The following NAA15 variants were observed in gnomAD, a reference collection of about 807,000 sequenced individuals.
The protein encoded by NAA15 is N-terminal acetyltransferase.
Under a neutral mutation model 114.0 loss-of-function variants are expected in NAA15, and 34 were observed. That is an observed-to-expected ratio of 0.30 (90% CI 0.23 to 0.40). The LOEUF (loss-of-function observed/expected upper bound fraction) is 0.40. Among genes scored for constraint, NAA15 ranks in the 10% least tolerant of loss-of-function variants. The probability of loss-of-function intolerance (pLI) is 1.00; values close to 1 mark genes in which losing one functional copy is unlikely to be tolerated. For missense variants in NAA15, 658 were observed against 1,004.5 expected (o/e 0.66, Z 4.66); for synonymous variants, 340 against 338.0 (o/e 1.01, Z -0.06).
chr4:139,382,052 G>C (rs983755746), intron 17 of NAA15, among the ~76,000 whole-genome samples: 1 of 152,064 alleles, frequency 6.6e-6, no homozygotes, highest in African/African-American at 2.4e-5. Context: ...AGGCTTTTTA[G>C]AGTTTTTCTC....
At chr4:139,340,818 T>G (rs1747359663) in intron 3 of NAA15, 94 bp from the exon 4 acceptor site, 2 of 976,076 alleles carry the variant, frequency 2.0e-6, no homozygotes, top group Non-Finnish European at 2.9e-6. Context: ...AGCTTGTAGT[T>G]TTATAAATGG....
At chr4:139,321,873 C>G (rs116320026) in intron 1 of NAA15, among the ~76,000 whole-genome samples, 1 of 152,008 alleles carries the variant, frequency 6.6e-6, no homozygotes, top group Non-Finnish European at 1.5e-5. Context: ...CAGCTACTTA[C>G]GTCATTGTTA....
Position 139,385,188 on chromosome 4 carries a change from A to G in NAA15, c.2302+210A>G, listed in dbSNP as rs1035550142. ...TCCCAGCTACTCAGGATGCTGAGGC[A>G]GAAGGATCACTTGAGCCCAGGAATT... On this transcript the variant is annotated intron_variant, in intron 18 of 19. Coordinates refer to ENST00000296543, the MANE Select transcript of NAA15 (RefSeq NM_057175.5). 3.3e-5 allele frequency among the ~76,000 whole-genome samples: 5 copies of G among 150,326 alleles called. No homozygotes were observed. The South Asian group carries it at 1.0e-3, about 31-fold the overall frequency.
chr4:139,336,885 G>A lies in NAA15; in HGVS notation c.177G>A (p.Leu59=). Residue 59 remains leucine, a synonymous_variant, in exon 3 of 20, where the codon TTG becomes TTA. Coordinates refer to ENST00000296543, the MANE Select transcript of NAA15 (RefSeq NM_057175.5). The part of the protein sequence containing the change: ...LAMKGLTLNC[L]GKKEEAYELV... ...TGAAAGGATTAACATTGAACTGTTTGGGGAAAAAGGAAGAAGCTTATGAAT... is the reference window on the plus strand; with the variant it reads ...TGAAAGGATTAACATTGAACTGTTTAGGGAAAAAGGAAGAAGCTTATGAAT... 1.2e-6 allele frequency: 2 copies of A among 1,601,266 alleles called. No individual in the cohort carries two copies. Among genetic ancestry groups the A allele is most frequent in the Non-Finnish European group, 8.5e-7 (1 of 1,173,554 alleles).
At chr4:139,368,645 T>C (rs148602214) in intron 14 of NAA15, among the ~76,000 whole-genome samples, 80 of 152,328 alleles carry the variant, frequency 5.3e-4, no homozygotes, top group Non-Finnish European at 9.4e-4. Context: ...AATATTAATG[T>C]TACATACCTT....
At chr4:139,305,256 A>G (rs1050368886) in intron 1 of NAA15, among the ~76,000 whole-genome samples, 4 of 152,204 alleles carry the variant, frequency 2.6e-5, no homozygotes, top group African/African-American at 7.2e-5. Flanking sequence ...CTGAAGATCT[A>G]TTGATAAGTT....
intron 1 of NAA15, among the ~76,000 whole-genome samples, chr4:139,314,106 A>C (rs1320290765): frequency 6.6e-6 from 1 of 152,008 alleles, no homozygotes; most frequent in Non-Finnish European, 1.5e-5. Flanking sequence ...TTTACCTTGA[A>C]AAAGACAGTG....
chr4:139,351,373 A>G, intron 8 of NAA15, 87 bp downstream of exon 8: 7 of 1,073,416 alleles, frequency 6.5e-6, no homozygotes, highest in Non-Finnish European at 9.9e-6. Flanking sequence ...ATGCATATTA[A>G]GTTTAAGCTA....
At chr4:139,349,095 T>C (rs1164950999) in intron 6 of NAA15, among the ~76,000 whole-genome samples, 2 of 152,238 alleles carry the variant, frequency 1.3e-5, no homozygotes, top group Non-Finnish European at 2.9e-5. Flanking sequence ...GGTTAGGATA[T>C]TGAATTGAGT....
chr4:139,385,058 T>G, intron 18 of NAA15, 80 bp downstream of exon 18: 1 of 1,212,036 alleles, frequency 8.3e-7, no homozygotes. Flanking sequence ...AAGGTACATG[T>G]TTTTAGAATG....
At chr4:139,301,856 G>A (rs962018727) in intron 1 of NAA15, 25 bp downstream of exon 1, 2 of 1,577,502 alleles carry the variant, frequency 1.3e-6, no homozygotes, top group East Asian at 2.4e-5. Context: ...CCGGGCAAGC[G>A]GTGGGGAGGA....
At chr4:139,309,566 C>G (rs547658480) in intron 1 of NAA15, among the ~76,000 whole-genome samples, 2 of 151,812 alleles carry the variant, frequency 1.3e-5, no homozygotes, top group African/African-American at 4.8e-5. Flanking sequence ...CATGCTACTG[C>G]GCCTGGCCTG....
intron 1 of NAA15, among the ~76,000 whole-genome samples, chr4:139,311,392 G>T (rs552415762): frequency 1.3e-5 from 2 of 151,922 alleles, no homozygotes; most frequent in Non-Finnish European, 2.9e-5. Flanking sequence ...TCTTTGGATT[G>T]TGTGCTTGCA....
At chr4:139,387,010 GAC>G (rs1269307272) in intron 19 of NAA15, among the ~76,000 whole-genome samples, 1 of 152,144 alleles carries the variant, frequency 6.6e-6, no homozygotes, top group African/African-American at 2.4e-5. Flanking sequence ...TATGCTGAAA[GAC>G]AGTTATTAAT....
intron 1 of NAA15, among the ~76,000 whole-genome samples, chr4:139,329,723 A>G (rs1238924477): frequency 1.3e-5 from 2 of 152,192 alleles, no homozygotes; most frequent in Non-Finnish European, 2.9e-5. Flanking sequence ...GTTTCACCCT[A>G]CATATGCAAA....
intron 14 of NAA15, among the ~76,000 whole-genome samples, chr4:139,368,707 G>T (rs1240599220): frequency 1.3e-5 from 2 of 152,020 alleles, no homozygotes; most frequent in African/African-American, 4.8e-5. Context: ...TATAGCCCAC[G>T]TTTGAGGTGG....
chr4:139,341,928 C>T (rs960028929), intron 4 of NAA15, among the ~76,000 whole-genome samples: 2 of 151,876 alleles, frequency 1.3e-5, no homozygotes, highest in African/African-American at 4.8e-5. Flanking sequence ...CACCATGTTG[C>T]TCAGGCTGGT....
chr4:139,384,758 C>G, intron 17 of NAA15, 74 bp from the exon 18 acceptor site: 5 of 1,051,032 alleles, frequency 4.8e-6, no homozygotes, highest in Non-Finnish European at 6.3e-6. Flanking sequence ...CTGTCTCAAA[C>G]ACAAACAAAA....
chr4:139,321,467 A>AT (rs1553993341), intron 1 of NAA15, among the ~76,000 whole-genome samples: 5 of 93,014 alleles, frequency 5.4e-5, no homozygotes, highest in Admixed American at 1.0e-4. Context: ...CCTGGCCCTT[A>AT]TTTGTTTTTT....
Sources: allele counts gnomAD v4.1 joint callset (sites outside exome capture counted in the v4.1 genomes callset), GRCh38; gene constraint gnomAD v4.1.1; transcripts MANE v1.5; gene names NCBI Gene and HGNC (gene_info 2026-07-23, HGNC 2026-07-21).